STN1: variants seen among roughly 807,000 people sequenced by gnomAD.
STN1 encodes the protein CST complex subunit STN1.
STN1 carries 29 observed loss-of-function variants against 45.5 expected under a neutral mutation model. The observed-to-expected ratio is 0.64, with a 90% CI of 0.47 to 0.87. The LOEUF is 0.87. STN1 is among the 40% of genes least tolerant of loss of function. The pLI is 0.00. For synonymous variants in STN1, 148 were observed against 159.0 expected (o/e 0.93, Z 0.52); for missense variants, 376 against 441.4 (o/e 0.85, Z 1.33).
rs1037842355 is a variant in STN1 at position 103,878,641 on chromosome 10, T to A, written c.*4043A>T. The A allele has an allele frequency of 2.6e-5, 4 of 152,172 alleles. No homozygotes were observed. The highest frequency in any genetic ancestry group is 9.7e-5 in the African/African-American group (4 of 41,426). 9.4% of individuals were successfully genotyped at this position (152,172 alleles called of 1,614,324 possible). On this transcript the variant is annotated 3_prime_UTR_variant, in exon 10 of 10. Transcript: ENST00000224950. Reference sequence around the variant, plus strand: ...TGCTAATTATAAAAATGCCAAAGGATAGCTATGTGGGGTAAAAAGCACCTG... The same window carrying A: ...TGCTAATTATAAAAATGCCAAAGGAAAGCTATGTGGGGTAAAAAGCACCTG...
At chr10:103,916,452 G>A (rs1420556357) in intron 2 of STN1, among the ~76,000 whole-genome samples, 2 of 152,184 alleles carry the variant, frequency 1.3e-5, no homozygotes, top group African/African-American at 4.8e-5. Flanking sequence ...GGAAATAAAG[G>A]TGTGGCGAAA....
intron 2 of STN1, among the ~76,000 whole-genome samples, chr10:103,912,969 G>A (rs1382002528): frequency 6.6e-6 from 1 of 152,236 alleles, no homozygotes; most frequent in Non-Finnish European, 1.5e-5. Flanking sequence ...AGGGCCGGCT[G>A]TCTGCCACTG....
chr10:103,892,977 C>T (rs919615320), intron 7 of STN1, among the ~76,000 whole-genome samples: 4 of 152,178 alleles, frequency 2.6e-5, no homozygotes, highest in Non-Finnish European at 5.9e-5. Flanking sequence ...AGATGGGATG[C>T]TTCTTGAGTC....
At chr10:103,908,880 T>C (rs538107194) in intron 3 of STN1, among the ~76,000 whole-genome samples, 5 of 135,790 alleles carry the variant, frequency 3.7e-5, no homozygotes, top group Non-Finnish European at 6.4e-5. Context: ...AAAAATCAAA[T>C]GCAGTTAATT....
chr10:103,917,601 G>A lies in STN1; in HGVS notation c.-7C>T. 2 of 1,613,014 alleles carry A rather than the reference G, an allele frequency of 1.2e-6. No individual in the cohort carries two copies. The highest frequency in any genetic ancestry group is 3.3e-5 in the Admixed American group (2 of 59,798). Reference sequence around the variant, plus strand: ...GGCTGGATCCAGGCTGCATCAAGAGGCAGGGCTGTGGCTTCCAGCTAACTC... The same window carrying A: ...GGCTGGATCCAGGCTGCATCAAGAGACAGGGCTGTGGCTTCCAGCTAACTC... On this transcript the variant is annotated 5_prime_UTR_variant, in exon 2 of 10. Transcript: ENST00000224950.
intron 1 of STN1, 95 bp from the exon 2 acceptor site, chr10:103,917,751 A>T: frequency 1.4e-6 from 1 of 707,074 alleles, no homozygotes; most frequent in Non-Finnish European, 2.3e-6. Context: ...CCAGGACTCC[A>T]GGAGGGGTGA....
intron 9 of STN1, among the ~76,000 whole-genome samples, chr10:103,887,029 C>T (rs896809952): frequency 6.6e-6 from 1 of 152,190 alleles, no homozygotes; most frequent in African/African-American, 2.4e-5. Flanking sequence ...TTGTGAGACA[C>T]TCATAAATGA....
intron 8 of STN1, among the ~76,000 whole-genome samples, chr10:103,890,723 T>C (rs1398045215): frequency 6.6e-6 from 1 of 152,218 alleles, no homozygotes; most frequent in African/African-American, 2.4e-5. Flanking sequence ...TCAAAAGTTA[T>C]TTAAATGGTA....
intron 9 of STN1, among the ~76,000 whole-genome samples, chr10:103,887,691 T>C (rs902208485): frequency 6.6e-6 from 1 of 152,182 alleles, no homozygotes; most frequent in African/African-American, 2.4e-5. Flanking sequence ...GAGGCTCCCA[T>C]TCACAGACTG....
In STN1 at chr10:103,892,106, AAAGTT is replaced by A. The variant is rs770781015; in HGVS notation, c.876+19_876+23del. On this transcript the variant is annotated intron_variant, in intron 8 of 9. Coordinates refer to ENST00000224950, the MANE Select transcript of STN1 (RefSeq NM_024928.5). ...TTTGTAATTGAAGCTACAAAGAAAA[AAAGTT>A]AAGTTGCAAGTGTCTTACATAGTAT... The A allele has an allele frequency of 6.4e-7, 1 of 1,555,766 alleles. No individual in the cohort carries two copies. The highest frequency in any genetic ancestry group is 1.2e-5 in the South Asian group (1 of 81,712).
chr10:103,907,245 T>C (rs572569092), intron 3 of STN1, among the ~76,000 whole-genome samples: 1 of 152,230 alleles, frequency 6.6e-6, no homozygotes, highest in Non-Finnish European at 1.5e-5. Context: ...TTCTTTATAA[T>C]ACTGACACTT....
In STN1 at chr10:103,897,738, A is replaced by C. The variant is rs555832217; in HGVS notation, c.582-19T>G. Reference sequence around the variant, plus strand: ...TGGATTGCTGCGGAGGGAAAGTTTTAAAGAGCTCTGCAGAAAACCATCACC... The same window carrying C: ...TGGATTGCTGCGGAGGGAAAGTTTTCAAGAGCTCTGCAGAAAACCATCACC... On this transcript the variant is annotated intron_variant, in intron 6 of 9. Transcript: ENST00000224950. 1.2e-6 allele frequency: 2 copies of C among 1,612,040 alleles called. No individual in the cohort carries two copies. Among genetic ancestry groups the C allele is most frequent in the South Asian group, 2.2e-5 (2 of 90,990 alleles).
At chr10:103,904,323 T>G (rs1221144464) in intron 4 of STN1, among the ~76,000 whole-genome samples, 3 of 151,974 alleles carry the variant, frequency 2.0e-5, no homozygotes, top group Non-Finnish European at 4.4e-5. Context: ...TTAAAAAATA[T>G]CTAAAAATTA....
rs1008801283 is a variant in STN1 at position 103,878,532 on chromosome 10, C to T, written c.*4152G>A. 6.6e-6 allele frequency: 1 copy of T among 152,110 alleles called. No individual in the cohort carries two copies. The highest frequency in any genetic ancestry group is 1.5e-5 in the Non-Finnish European group (1 of 68,038). The allele number at this position is 152,110 out of a possible 1,614,324, so 9.4% of individuals were successfully genotyped here. A position where few individuals can be genotyped will look rare whatever the true frequency, so the allele number is the denominator to read the frequency against. ...AGTCAGGAGTTTGAGACTGCCCGGG[C>T]CGAGTCTGGCTTACACACCGGTTGA... On this transcript the variant is annotated 3_prime_UTR_variant, in exon 10 of 10. Transcript: ENST00000224950.
rs1843180015 is a variant in STN1 at position 103,897,679 on chromosome 10, G to A, written c.622C>T (p.Leu208=). The stretch of plus-strand genomic sequence containing the variant: ...AGGAATTCTTTGGCTTTTTCACTCA[G>A]CAAACTCGTGAGACTGGGGAGGTCC... ...ALDLPSLTSL[L]SEKAKEFLME... is the part of the protein sequence containing the mutation. Residue 208 remains leucine, a synonymous_variant, in exon 7 of 10, where the codon CTG becomes TTG. Transcript: ENST00000224950. 1 of 1,614,194 alleles carries A rather than the reference G, an allele frequency of 6.2e-7. No homozygotes were observed. The highest frequency in any genetic ancestry group is 8.5e-7 in the Non-Finnish European group (1 of 1,180,020).
intron 6 of STN1, among the ~76,000 whole-genome samples, chr10:103,897,930 G>A (rs76936345): frequency 6.6e-6 from 1 of 151,906 alleles, no homozygotes; most frequent in Non-Finnish European, 1.5e-5. Context: ...CAGATTAGGA[G>A]AAAAAAGTCA....
At position 103,889,062 on chromosome 10, in the gene STN1, T is replaced by C. The variant is rs369404997; in HGVS notation, c.949+10A>G. The C allele has an allele frequency of 1.9e-6, 3 of 1,598,440 alleles. No homozygotes were observed. Among genetic ancestry groups the C allele is most frequent in the Admixed American group, 3.3e-5 (2 of 60,000 alleles). ...GCACCAGGGCATCACTTGTACATTA[T>C]ACCACTTACGATTTGGTTTCTGGCA... is the stretch of plus-strand genomic sequence containing the variant. On this transcript the variant is annotated intron_variant, in intron 9 of 9. Transcript: ENST00000224950.
Position 103,897,716 on chromosome 10 carries a change from A to T in STN1, c.585T>A (p.Asn195Lys), listed in dbSNP as rs1054501193. The change falls in exon 7 of 10, where the codon AAT becomes AAA. Residue 195 changes from asparagine to lysine, a missense_variant. By Grantham distance (94) the Asn-to-Lys change is moderately conservative (BLOSUM62 0). Transcript: ENST00000224950. ...SALEKEEALS[N>K]PGALDLPSLT... Reference sequence around the variant, plus strand: ...GACTGGGGAGGTCCAGGGCGCCTGGATTGCTGCGGAGGGAAAGTTTTAAAG... The same window carrying T: ...GACTGGGGAGGTCCAGGGCGCCTGGTTTGCTGCGGAGGGAAAGTTTTAAAG... The T allele has an allele frequency of 6.2e-7, 1 of 1,613,916 alleles. No individual in the cohort carries two copies. The highest frequency in any genetic ancestry group is 8.5e-7 in the Non-Finnish European group (1 of 1,179,954).
intron 7 of STN1, among the ~76,000 whole-genome samples, chr10:103,896,417 T>C (rs1843171360): frequency 6.6e-6 from 1 of 152,054 alleles, no homozygotes; most frequent in Non-Finnish European, 1.5e-5. Flanking sequence ...AGGAGGGACA[T>C]TTAAGCTGAG....
Sources: allele counts gnomAD v4.1 joint callset (sites outside exome capture counted in the v4.1 genomes callset), GRCh38; gene constraint gnomAD v4.1.1; transcripts MANE v1.5; gene names NCBI Gene and HGNC (gene_info 2026-07-23, HGNC 2026-07-21).